Variants in BAHCC1 observed in about 807,000 individuals in gnomAD.
BAHCC1 encodes the protein BAH and coiled-coil domain-containing protein 1.
BAHCC1 carries 43 observed loss-of-function variants against 88.2 expected under a neutral mutation model. That is an observed-to-expected ratio of 0.49 (90% CI 0.38 to 0.63). The LOEUF is 0.63. BAHCC1 is among the 20% of genes least tolerant of loss of function. BAHCC1 has a pLI of 0.00. For missense variants in BAHCC1, 3,023 were observed against 1,654.8 expected, an observed-to-expected ratio of 1.83 and a Z score of -14.34; for synonymous variants, 1,510 against 745.5, an observed-to-expected ratio of 2.03 and a Z score of -16.71.
In BAHCC1 at chr17:81,411,422, G is replaced by A. The variant is rs191511105; in HGVS notation, c.178+11505G>A. On this transcript the variant is annotated intron_variant, in intron 2 of 27. Transcript: ENST00000675386. The surrounding 1 kb of genome is among the most constrained non-coding windows in gnomAD (Gnocchi z 6.2). ...CTCCACTGCATTCAAATTGATCAGG[G>A]AGGGTGGGGTTGGGGGGGAACAGGG... The A allele has an allele frequency of 2.3e-3, 822 of 357,528 alleles. 2 individuals carry two copies. Among genetic ancestry groups the A allele is most frequent in the Middle Eastern group, 4.0e-3 (4 of 988 alleles). 22.1% of individuals were successfully genotyped at this position (357,528 alleles called of 1,614,324 possible).
intron 2 of BAHCC1, among the ~76,000 whole-genome samples, chr17:81,406,492 G>C (rs2063880887): frequency 6.6e-6 from 1 of 152,208 alleles, no homozygotes; most frequent in Admixed American, 6.5e-5. Flanking sequence ...ATCAGAGCCA[G>C]CGTGCAGTGT....
At chr17:81,398,933 T>TAA (rs551129478) in intron 1 of BAHCC1, among the ~76,000 whole-genome samples, 9 of 136,154 alleles carry the variant, frequency 6.6e-5, no homozygotes, top group African/African-American at 2.4e-4. Flanking sequence ...GGAAGGTTAT[T>TAA]AAAAAAAAAA....
Position 81,458,908 on chromosome 17 carries a change from G to A in BAHCC1, c.5544G>A (p.Glu1848=), listed in dbSNP as rs782757404. 1.2e-5 allele frequency: 9 copies of A among 771,474 alleles called. No individual in the cohort carries two copies. Among genetic ancestry groups the A allele is most frequent in the Non-Finnish European group, 2.2e-5 (9 of 412,866 alleles). The allele number at this position is 771,474 out of a possible 1,614,324, so 47.8% of individuals were successfully genotyped here. ...DDNSSFSEEE[E]DEEEEEEDSG... is the part of the protein sequence containing the mutation. ...ACAGCAGCTTCTCGGAAGAGGAGGA[G>A]GACGAGGAGGAAGAGGAGGAGGACA... The change falls in exon 20 of 28, where the codon GAG becomes GAA. Residue 1848 remains glutamate, a synonymous_variant. Coordinates refer to ENST00000675386, the MANE Select transcript of BAHCC1 (RefSeq NM_001377448.1).
In BAHCC1 at chr17:81,422,715, A is replaced by C. The variant is rs1376959335; in HGVS notation, c.179-4085A>C. On this transcript the variant is annotated intron_variant, in intron 2 of 27. Transcript: ENST00000675386. ...CACCTGATGTGGTGTGGGAGAGCTC[A>C]AGGTACAGGGTTCTCAGGCCAGGAT... 1.2e-5 allele frequency: 5 copies of C among 401,690 alleles called. No individual in the cohort carries two copies. The East Asian group carries it at 4.6e-4, about 37-fold the overall frequency. The allele number at this position is 401,690 out of a possible 1,614,324, so 24.9% of individuals were successfully genotyped here.
chr17:81,463,780 G>A lies in BAHCC1; in HGVS notation c.7790G>A (p.Arg2597His), dbSNP rs375282374. ...LAGTYDPTTG[R>H]LVTADGVPIL... ...GGCACCTACGACCCCACCACCGGGC[G>A]CCTGGTGACGGCTGATGGCGTGCCC... Residue 2597 changes from arginine (R) to histidine (H), a missense_variant, in exon 28 of 28, where the codon CGC becomes CAC. By Grantham distance (29) the Arg-to-His change is conservative (BLOSUM62 0). Coordinates refer to ENST00000675386, the MANE Select transcript of BAHCC1 (RefSeq NM_001377448.1). 9.2e-5 allele frequency: 70 copies of A among 760,396 alleles called. No individual in the cohort carries two copies. The highest frequency in any genetic ancestry group is 1.4e-4 in the Non-Finnish European group (58 of 411,444). 47.1% of individuals were successfully genotyped at this position (760,396 alleles called of 1,614,324 possible).
chr17:81,418,694 C>T (rs1445184195), intron 2 of BAHCC1, among the ~76,000 whole-genome samples: 1 of 152,094 alleles, frequency 6.6e-6, no homozygotes, highest in African/African-American at 2.4e-5. Flanking sequence ...AGGACTTGCC[C>T]AGCTGTGTGG....
Position 81,442,149 on chromosome 17 carries a change from C to CT in BAHCC1, c.800_801insT (p.Ala268ArgfsTer107). ...GACGGGCACTGCAGGGAGGGCGGCC[C>CT]CGCACCCCGAGGGGCCTGCGAGGGC... On this transcript the variant is annotated frameshift_variant, in exon 5 of 28. Transcript: ENST00000675386. LOFTEE classifies it high-confidence loss of function. The CT allele has an allele frequency of 1.5e-6, 1 of 658,166 alleles. No individual in the cohort carries two copies. The allele number at this position is 658,166 out of a possible 1,614,324, so 40.8% of individuals were successfully genotyped here.
At chr17:81,410,984 G>A (rs1477322742) in intron 2 of BAHCC1, 1 of 461,396 alleles carries the variant, frequency 2.2e-6, no homozygotes, top group African/African-American at 2.0e-5. Flanking sequence ...ATGAAAGGAG[G>A]GCTTCGGAGC....
At chr17:81,431,493 G>A (rs950375761) in intron 3 of BAHCC1, among the ~76,000 whole-genome samples, 10 of 152,212 alleles carry the variant, frequency 6.6e-5, no homozygotes, top group Admixed American at 3.3e-4. Flanking sequence ...CACAGACTTG[G>A]GGAAGCCAGG....
chr17:81,464,646 A>G lies in BAHCC1; in HGVS notation c.*829A>G, dbSNP rs1205433006. 16 of 152,522 alleles carry G rather than the reference A, an allele frequency of 1.0e-4. No homozygotes were observed. The highest frequency in any genetic ancestry group is 3.9e-4 in the African/African-American group (16 of 41,446). 9.4% of individuals were successfully genotyped at this position (152,522 alleles called of 1,614,324 possible). On this transcript the variant is annotated 3_prime_UTR_variant, in exon 28 of 28. Transcript: ENST00000675386. Reference sequence around the variant, plus strand: ...GCCGTGAGCATCTCACCTGTGTTCAAAACAAGACAAAGACGAACAAATATT... The same window carrying G: ...GCCGTGAGCATCTCACCTGTGTTCAGAACAAGACAAAGACGAACAAATATT...
Position 81,461,818 on chromosome 17 carries a change from G to C in BAHCC1, c.7155G>C (p.Ala2385=), listed in dbSNP as rs1333171358. ...ALRSKGSGPH[A]HAQRCFLSRA... ...GCTCCAAGGGCAGCGGCCCTCACGC[G>C]CATGCCCAGCGCTGCTTCCTGTCCA... Residue 2385 remains alanine, a synonymous_variant, in exon 26 of 28, where the codon GCG becomes GCC. Coordinates refer to ENST00000675386, the MANE Select transcript of BAHCC1 (RefSeq NM_001377448.1). 1.4e-6 allele frequency: 1 copy of C among 717,460 alleles called. No individual in the cohort carries two copies. The highest frequency in any genetic ancestry group is 2.6e-6 in the Non-Finnish European group (1 of 385,174). 44.4% of individuals were successfully genotyped at this position (717,460 alleles called of 1,614,324 possible).
intron 11 of BAHCC1, among the ~76,000 whole-genome samples, chr17:81,449,926 C>A (rs1336715139): frequency 2.0e-5 from 3 of 152,190 alleles, no homozygotes; most frequent in African/African-American, 7.2e-5. Context: ...ATGGAGTGCC[C>A]CAGCCTGGGC....
intron 3 of BAHCC1, among the ~76,000 whole-genome samples, chr17:81,427,317 T>G: frequency 6.6e-6 from 1 of 152,120 alleles, no homozygotes; most frequent in Non-Finnish European, 1.5e-5. Context: ...ACCCTCACAG[T>G]GGCCGTGCCC....
In BAHCC1 at chr17:81,438,502, G is replaced by A. The variant is rs2902760; in HGVS notation, c.481+10G>A. On this transcript the variant is annotated intron_variant, in intron 4 of 27. Coordinates refer to ENST00000675386, the MANE Select transcript of BAHCC1 (RefSeq NM_001377448.1). ...TATGGAACCCAAAAAGGCAAGTGCAGCATGGGACCGGCGTGGGGAGCAGGC... is the reference window on the plus strand; with the variant it reads ...TATGGAACCCAAAAAGGCAAGTGCAACATGGGACCGGCGTGGGGAGCAGGC... The A allele has an allele frequency of 1.3e-6, 1 of 764,078 alleles. No individual in the cohort carries two copies. Among genetic ancestry groups the A allele is most frequent in the African/African-American group, 1.7e-5 (1 of 59,032 alleles). 47.3% of individuals were successfully genotyped at this position (764,078 alleles called of 1,614,324 possible).
In BAHCC1 at chr17:81,455,368, C is replaced by T. The variant is rs868907649; in HGVS notation, c.4547C>T (p.Ala1516Val). 4.2e-6 allele frequency: 3 copies of T among 716,416 alleles called. No homozygotes were observed. The highest frequency in any genetic ancestry group is 5.2e-6 in the Non-Finnish European group (2 of 384,928). 44.4% of individuals were successfully genotyped at this position (716,416 alleles called of 1,614,324 possible). Reference protein sequence around the residue: ...KRSKLERSVYAGLQTASVEKA... With the variant: ...KRSKLERSVYVGLQTASVEKA... ...AGCAAGCTGGAGAGGAGCGTCTATG[C>T]GGGCCTGCAGACTGCCTCCGTGGTG... Residue 1516 changes from alanine to valine, a missense_variant, in exon 15 of 28, where the codon GCG becomes GTG. Transcript: ENST00000675386.
chr17:81,425,149 GTGATGGTGGGTGT>G (rs2064164538), intron 2 of BAHCC1, among the ~76,000 whole-genome samples: 1 of 128,070 alleles, frequency 7.8e-6, no homozygotes. Flanking sequence ...GTGGTTGGGG[GTGATGGTGGGTGT>G]TGTGGTTGGT....
intron 1 of BAHCC1, chr17:81,397,258 G>T (rs1321761608): frequency 6.6e-6 from 1 of 152,210 alleles, no homozygotes; most frequent in Non-Finnish European, 1.5e-5. Context: ...CGAGCAGGCT[G>T]GTGAGAAAGG....
In BAHCC1 at chr17:81,406,340, G is replaced by A. The variant is rs74463719; in HGVS notation, c.178+6423G>A. On this transcript the variant is annotated intron_variant, in intron 2 of 27. Coordinates refer to ENST00000675386, the MANE Select transcript of BAHCC1 (RefSeq NM_001377448.1). Reference sequence around the variant, plus strand: ...GCACGCCCCTGTCTGTTGGGTAGGTGGGTTACTTGCTCTGCATTCCCCCTC... The same window carrying A: ...GCACGCCCCTGTCTGTTGGGTAGGTAGGTTACTTGCTCTGCATTCCCCCTC... 6.5e-3 allele frequency among the ~76,000 whole-genome samples: 991 copies of A among 152,298 alleles called. 12 individuals carry two copies. Among genetic ancestry groups the A allele is most frequent in the African/African-American group, 0.023 (947 of 41,570 alleles).
At chr17:81,424,105 C>T (rs978001845) in intron 2 of BAHCC1, among the ~76,000 whole-genome samples, 3 of 152,246 alleles carry the variant, frequency 2.0e-5, no homozygotes, top group Non-Finnish European at 4.4e-5. Context: ...TCCTCTGTCC[C>T]CCGCCCTCAG....
Sources: gnomAD v4.1 joint callset for allele counts (sites outside exome capture counted in the v4.1 genomes callset) on GRCh38, gnomAD v4.1.1 for gene constraint, Gnocchi (gnomAD v3.1) non-coding constraint, MANE v1.5 for transcripts, NCBI Gene and HGNC (gene_info 2026-07-23, HGNC 2026-07-21) for gene names.